The following HIBCH variants were observed in gnomAD, a reference collection of about 807,000 sequenced individuals.
The protein encoded by HIBCH is 3-hydroxyisobutyryl-CoA hydrolase.
Under a neutral mutation model 58.2 loss-of-function variants are expected in HIBCH, and 50 were observed. The observed-to-expected ratio is 0.86, with a 90% CI of 0.68 to 1.09. The LOEUF (loss-of-function observed/expected upper bound fraction) is 1.09. Ranked by LOEUF, HIBCH falls within the 50% of genes least tolerant of loss-of-function variation. The pLI is 0.00. For synonymous variants in HIBCH, 151 were observed against 146.9 expected (o/e 1.03, Z -0.20); for missense variants, 450 against 449.7 (o/e 1.00, Z -0.01).
Position 190,294,639 on chromosome 2 carries a change from A to G in HIBCH, c.220-9T>C. 6.4e-7 allele frequency: 1 copy of G among 1,571,862 alleles called. No homozygotes were observed. The highest frequency in any genetic ancestry group is 8.8e-7 in the Non-Finnish European group (1 of 1,142,282). On this transcript the variant is annotated splice_polypyrimidine_tract_variant and intron_variant, in intron 3 of 13. Transcript: ENST00000359678. ...GGATCTTGTTCCCACTTCTATTCAA[A>G]TGTAACAGAAGATGGTATAAGCATA...
chr2:190,199,618 A>T, downstream of HIBCH: 1 of 848,274 alleles, frequency 1.2e-6, no homozygotes. Flanking sequence ...AAAGTGATGA[A>T]AGGATTTTTA....
chr2:190,247,752 A>G (rs1265201895), intron 9 of HIBCH, among the ~76,000 whole-genome samples: 1 of 152,242 alleles, frequency 6.6e-6, no homozygotes, highest in Non-Finnish European at 1.5e-5. Context: ...TACCAAGGTC[A>G]GCCAGTAGCC....
In HIBCH at chr2:190,206,186, A is replaced by T. The variant is rs1295023803; in HGVS notation, c.1046-954T>A. ...GGAAGAAGACTGCCTTGGTAGGTGG[A>T]GGGAAGCTTTTACATACAATTAAAT... On this transcript the variant is annotated intron_variant, in intron 13 of 13. Coordinates refer to ENST00000359678, the MANE Select transcript of HIBCH (RefSeq NM_014362.4). This position sits in a 1 kb window ranked among gnomAD's most constrained non-coding sequence, Gnocchi z 5.1. Among the ~76,000 whole-genome samples, 2 of 152,192 alleles carry T rather than the reference A, an allele frequency of 1.3e-5. No homozygotes were observed. Among genetic ancestry groups the T allele is most frequent in the Non-Finnish European group, 2.9e-5 (2 of 68,016 alleles).
chr2:190,265,539 A>G (rs1211846137), intron 6 of HIBCH, among the ~76,000 whole-genome samples: 3 of 151,742 alleles, frequency 2.0e-5, no homozygotes, highest in African/African-American at 7.3e-5. Context: ...TGTATACCAA[A>G]TATGTTTTCA....
intron 1 of HIBCH, among the ~76,000 whole-genome samples, chr2:190,317,827 CCTTTTTTT>C: frequency 6.6e-6 from 1 of 150,464 alleles, no homozygotes; most frequent in East Asian, 1.9e-4. Context: ...TTCCTTTTTT[CCTTTTTTT>C]TTTTTTGAGA....
chr2:190,291,320 C>CT (rs1358290460), intron 4 of HIBCH, among the ~76,000 whole-genome samples: 2 of 152,242 alleles, frequency 1.3e-5, no homozygotes, highest in East Asian at 3.9e-4. Flanking sequence ...AAAACATATT[C>CT]TTTGTCCTGT....
At chr2:190,260,629 C>T (rs1192316648) in intron 7 of HIBCH, 2 of 152,952 alleles carry the variant, frequency 1.3e-5, no homozygotes, top group African/African-American at 2.4e-5. Context: ...TAAAGCAACA[C>T]TAACCAAGAC....
In HIBCH at chr2:190,304,872, C is replaced by T. The variant is rs569178733; in HGVS notation, c.78+5882G>A. Among the ~76,000 whole-genome samples the T allele has an allele frequency of 3.1e-4, 47 of 152,078 alleles. No individual in the cohort carries two copies. Among genetic ancestry groups the T allele is most frequent in the Middle Eastern group, 6.8e-3 (2 of 294 alleles). ...TAAAGCATTTAGAGATAAAATAGGACGAATAATGTATCCCTGTGCTGGAAT... is the reference window on the plus strand; with the variant it reads ...TAAAGCATTTAGAGATAAAATAGGATGAATAATGTATCCCTGTGCTGGAAT... On this transcript the variant is annotated intron_variant, in intron 2 of 13. Coordinates refer to ENST00000359678, the MANE Select transcript of HIBCH (RefSeq NM_014362.4). The surrounding 1 kb of genome is among the most constrained non-coding windows in gnomAD (Gnocchi z 4.1).
chr2:190,291,827 T>G (rs977060116), intron 4 of HIBCH, among the ~76,000 whole-genome samples: 1 of 152,250 alleles, frequency 6.6e-6, no homozygotes, highest in Non-Finnish European at 1.5e-5. Context: ...TTCTATATAC[T>G]GCAACTCATA....
downstream of HIBCH, chr2:190,199,994 A>T: frequency 1.2e-6 from 2 of 1,613,998 alleles, no homozygotes; most frequent in Non-Finnish European, 8.5e-7. Context: ...GTTAATGTCA[A>T]AGAGGAAGTG....
chr2:190,247,039 T>C (rs182308734), intron 9 of HIBCH, among the ~76,000 whole-genome samples: 5 of 152,244 alleles, frequency 3.3e-5, no homozygotes, highest in Admixed American at 2.0e-4. Context: ...TTGTAGGCTG[T>C]GTTTCTCCTA....
At chr2:190,285,166 A>C (rs1481566010) in intron 6 of HIBCH, among the ~76,000 whole-genome samples, 1 of 152,212 alleles carries the variant, frequency 6.6e-6, no homozygotes, top group East Asian at 1.9e-4. Flanking sequence ...ACTGTGTATT[A>C]GTTCCCAGTC....
chr2:190,236,736 A>T lies in HIBCH; in HGVS notation c.891+8151T>A, dbSNP rs911361818. 6.6e-6 allele frequency among the ~76,000 whole-genome samples: 1 copy of T among 152,214 alleles called. No homozygotes were observed. The highest frequency in any genetic ancestry group is 1.5e-5 in the Non-Finnish European group (1 of 68,040). On this transcript the variant is annotated intron_variant, in intron 11 of 13. Coordinates refer to ENST00000359678, the MANE Select transcript of HIBCH (RefSeq NM_014362.4). The surrounding 1 kb of genome is among the most constrained non-coding windows in gnomAD (Gnocchi z 4.1). ...CAGTGCAAGAAGGCTGCCTTTTGCA[A>T]CCTGATCTTAAGACTTTTCTGGTAA...
At chr2:190,234,908 G>A (rs1247804578) in intron 11 of HIBCH, among the ~76,000 whole-genome samples, 1 of 152,064 alleles carries the variant, frequency 6.6e-6, no homozygotes, top group African/African-American at 2.4e-5. Context: ...TGGAGAAGAG[G>A]TAGTGAGTAG....
At chr2:190,190,094 A>AAAT (rs1689642963) in intron 1 of HIBCH, 1 of 152,260 alleles carries the variant, frequency 6.6e-6, no homozygotes, top group African/African-American at 2.4e-5. Flanking sequence ...AATTACAGTG[A>AAAT]AATACAGTAA....
chr2:190,239,647 GT>G (rs60949644), intron 11 of HIBCH, among the ~76,000 whole-genome samples: 2,826 of 127,514 alleles, frequency 0.022, 71 homozygotes, highest in African/African-American at 0.073. Context: ...GTGGTTTGTA[GT>G]TTTTTTTTTT....
chr2:190,192,486 G>GTATC (rs1478234714), intron 1 of HIBCH, among the ~76,000 whole-genome samples: 2 of 146,442 alleles, frequency 1.4e-5, no homozygotes, highest in African/African-American at 5.3e-5. Flanking sequence ...GTGTGTGTGT[G>GTATC]TGTGTATCTA....
intron 6 of HIBCH, 71 bp from the exon 7 acceptor site, chr2:190,261,305 C>T (rs1687083441): frequency 9.2e-7 from 1 of 1,092,314 alleles, no homozygotes; most frequent in Non-Finnish European, 1.4e-6. Context: ...CAAATTCACA[C>T]ACTTACAAAA....
chr2:190,239,323 A>AT (rs1285120052), intron 11 of HIBCH, among the ~76,000 whole-genome samples: 2 of 152,026 alleles, frequency 1.3e-5, no homozygotes, highest in Non-Finnish European at 2.9e-5. Context: ...ATTGGTCTAT[A>AT]TATCTGTTTT....
Sources: gnomAD v4.1 joint callset for allele counts (sites outside exome capture counted in the v4.1 genomes callset) on GRCh38, gnomAD v4.1.1 for gene constraint, Gnocchi (gnomAD v3.1) non-coding constraint, MANE v1.5 for transcripts, NCBI Gene and HGNC (gene_info 2026-07-23, HGNC 2026-07-21) for gene names.